KIF4A: variants seen among roughly 807,000 people sequenced by gnomAD.
The protein encoded by KIF4A is kinesin family member 4A.
In KIF4A, 7 loss-of-function variants were observed where a neutral mutation model predicts 105.9. The ratio of observed to expected loss-of-function variants is 0.07; its 90% CI spans 0.04 to 0.12. The LOEUF (loss-of-function observed/expected upper bound fraction) is 0.12, where lower values mean the gene tolerates loss of function less well. Among genes scored for constraint, KIF4A ranks in the 10% least tolerant of loss-of-function variants. The pLI, the probability that KIF4A is intolerant of heterozygous loss-of-function variation, is 1.00. For synonymous variants in KIF4A, 281 were observed against 331.3 expected (o/e 0.85, Z 1.65); for missense variants, 558 against 929.2 (o/e 0.60, Z 5.19).
chrX:70,349,800 C>G (rs2086018437), intron 13 of KIF4A, among the ~76,000 whole-genome samples: 1 of 92,086 alleles, frequency 1.1e-5, no homozygotes, highest in Non-Finnish European at 2.1e-5. Flanking sequence ...CTCCTCACAT[C>G]CCAGACGGGG....
At chrX:70,387,422 C>A (rs1235477058) in intron 20 of KIF4A, 125 bp downstream of exon 20, 11 of 483,591 alleles carry the variant, frequency 2.3e-5, no homozygotes, top group African/African-American at 9.8e-5. Context: ...TACTTGAAAG[C>A]CTTATTTCCT....
At chrX:70,348,014 G>A (rs1180143295) in intron 13 of KIF4A, among the ~76,000 whole-genome samples, 3 of 101,553 alleles carry the variant, frequency 3.0e-5, no homozygotes, top group Non-Finnish European at 6.0e-5. Flanking sequence ...CCTGCACTTG[G>A]AGAATCACCA....
rs759873922 is a variant in KIF4A, at chrX:70,399,484, A to G, written c.2490-3082A>G. Among the ~76,000 whole-genome samples the G allele has an allele frequency of 5.7e-3, 629 of 110,799 alleles. 6 individuals are homozygous for G. Among genetic ancestry groups the G allele is most frequent in the African/African-American group, 0.019 (591 of 30,515 alleles). ...TCTGATAAGACCAGTAGTGATATTA[A>G]CAAGTGTGATTTTAAAAATATATAT... On this transcript the variant is annotated intron_variant, in intron 22 of 30. Coordinates refer to ENST00000374403, the MANE Select transcript of KIF4A (RefSeq NM_012310.5).
chrX:70,302,397 G>A lies in KIF4A; in HGVS notation c.777G>A (p.Glu259=), dbSNP rs2085807778. ...AGGCTGAAGGGGATCGTCTAAAAGA[G>A]GGTAAGAGAGTAATTAAGGTCACAG... ...KTKAEGDRLK[E]GININRGLLC... Residue 259 remains glutamate, a splice_region_variant and synonymous_variant, in exon 7 of 31, where the codon GAG becomes GAA. Transcript: ENST00000374403. 1 of 1,208,035 alleles carries A rather than the reference G, an allele frequency of 8.3e-7. No homozygotes were observed. Among genetic ancestry groups the A allele is most frequent in the African/African-American group, 1.7e-5 (1 of 57,753 alleles).
At chrX:70,304,387 CTG>C in intron 7 of KIF4A, among the ~76,000 whole-genome samples, 7 of 99,255 alleles carry the variant, frequency 7.1e-5, no homozygotes, top group Admixed American at 5.7e-4. Flanking sequence ...GTGAATAGTG[CTG>C]CAATAAACAT....
chrX:70,405,592 G>A (rs2086297013), intron 25 of KIF4A, among the ~76,000 whole-genome samples: 2 of 111,272 alleles, frequency 1.8e-5, no homozygotes, highest in South Asian at 7.8e-4. Context: ...GTCGGGCAGA[G>A]TCCACGGTTC....
chrX:70,333,120 A>G (rs1289427106), intron 9 of KIF4A, among the ~76,000 whole-genome samples: 2 of 110,084 alleles, frequency 1.8e-5, no homozygotes, highest in Non-Finnish European at 3.8e-5. Context: ...AGGTGGATCA[A>G]TTGAGGTCAG....
chrX:70,375,448 C>T, intron 17 of KIF4A, 100 bp downstream of exon 17: 1 of 814,746 alleles, frequency 1.2e-6, no homozygotes, highest in East Asian at 3.2e-5. Context: ...GAGAAAATAG[C>T]AGGCAGAGCA....
chrX:70,320,822 G>A (rs1458967201), intron 7 of KIF4A, among the ~76,000 whole-genome samples: 1 of 111,523 alleles, frequency 9.0e-6, no homozygotes, highest in Admixed American at 9.5e-5. Flanking sequence ...TAACTAGAAG[G>A]GAGGAATTGA....
At position 70,395,758 on chromosome X, in the gene KIF4A, C is replaced by T. The variant is rs752960489; in HGVS notation, c.2320C>T (p.Leu774=). ...TGACCTCCTTGAAGATAGAAAGATC[C>T]TGGCTCAAGATGTGGCTCAACTCAA... ...LNDLLEDRKI[L]AQDVAQLKEK... Residue 774 remains leucine, a synonymous_variant, in exon 21 of 31, where the codon CTG becomes TTG. Transcript: ENST00000374403. The T allele has an allele frequency of 2.5e-6, 3 of 1,209,552 alleles. No individual in the cohort carries two copies. The African/African-American group carries it at 5.3e-5, about 21-fold the overall frequency.
At chrX:70,381,501 C>T (rs2086197407) in intron 18 of KIF4A, among the ~76,000 whole-genome samples, 1 of 111,595 alleles carries the variant, frequency 9.0e-6, no homozygotes, top group Non-Finnish European at 1.9e-5. Context: ...CATGCCACTG[C>T]ACCACTCCAG....
At chrX:70,360,213 C>T (rs959345726) in intron 15 of KIF4A, among the ~76,000 whole-genome samples, 3 of 112,208 alleles carry the variant, frequency 2.7e-5, no homozygotes, top group African/African-American at 9.7e-5. Context: ...ATAAAATTAA[C>T]ACTGCACTTA....
intron 10 of KIF4A, among the ~76,000 whole-genome samples, chrX:70,340,599 A>G (rs749193740): frequency 8.9e-6 from 1 of 112,197 alleles, no homozygotes; most frequent in African/African-American, 3.2e-5. Context: ...TCTGCATTTT[A>G]ATTGAACATT....
chrX:70,353,873 C>A, intron 15 of KIF4A, 66 bp downstream of exon 15: 1 of 880,975 alleles, frequency 1.1e-6, no homozygotes, highest in Non-Finnish European at 1.6e-6. Context: ...GGGAAGAAAA[C>A]AACAAGCATA....
chrX:70,373,518 GTGTATGTATATATATATATATA>G (rs1347391460), intron 15 of KIF4A, among the ~76,000 whole-genome samples: 1 of 6,945 alleles, frequency 1.4e-4, no homozygotes, highest in Admixed American at 2.7e-3. Context: ...ATACATGTGT[GTGTATGTATATATATATATATA>G]TATATATATA....
intron 7 of KIF4A, among the ~76,000 whole-genome samples, chrX:70,323,308 C>T (rs1267497063): frequency 9.0e-6 from 1 of 111,000 alleles, no homozygotes; most frequent in Non-Finnish European, 1.9e-5. Flanking sequence ...CCGTGTATTA[C>T]AGTCATTTCC....
chrX:70,365,458 A>G (rs902049087), intron 15 of KIF4A, among the ~76,000 whole-genome samples: 2 of 111,866 alleles, frequency 1.8e-5, no homozygotes, highest in African/African-American at 3.3e-5. Context: ...ATGAAGGGTT[A>G]TTGAATTTTG....
chrX:70,346,600 C>T (rs189788876), intron 13 of KIF4A, among the ~76,000 whole-genome samples: 4 of 111,590 alleles, frequency 3.6e-5, no homozygotes, highest in East Asian at 5.6e-4. Flanking sequence ...AGAGGAACTC[C>T]GTAGAATCGC....
chrX:70,368,065 C>T (rs1219642658), intron 15 of KIF4A, among the ~76,000 whole-genome samples: 2 of 111,931 alleles, frequency 1.8e-5, no homozygotes, highest in African/African-American at 3.2e-5. Flanking sequence ...CTTGTGCATT[C>T]GTCACGTAGT....
Sources: allele counts gnomAD v4.1 joint callset (sites outside exome capture counted in the v4.1 genomes callset), GRCh38; gene constraint gnomAD v4.1.1; transcripts MANE v1.5; gene names NCBI Gene and HGNC (gene_info 2026-07-23, HGNC 2026-07-21).